The following OPTN variants were observed in gnomAD, a reference collection of about 807,000 sequenced individuals.
The protein encoded by OPTN is E3-14.7K-interacting protein.
OPTN carries 54 observed loss-of-function variants against 70.4 expected under a neutral mutation model. The observed-to-expected ratio is 0.77, with a 90% CI of 0.62 to 0.96. The LOEUF is 0.96. Ranked by LOEUF, OPTN falls within the 40% of genes least tolerant of loss-of-function variation. The pLI, the probability that OPTN is intolerant of heterozygous loss-of-function variation, is 0.00. For missense variants in OPTN, 624 were observed against 673.2 expected (o/e 0.93, Z 0.81); for synonymous variants, 256 against 248.5 (o/e 1.03, Z -0.28).
chr10:13,115,867 C>T (rs1338354178), intron 5 of OPTN, among the ~76,000 whole-genome samples: 7 of 144,598 alleles, frequency 4.8e-5, no homozygotes, highest in Non-Finnish European at 8.8e-5. Context: ...TTAACTTTAC[C>T]TCAGTGAGTT....
At chr10:13,106,415 C>T (rs1270035562) in intron 1 of OPTN, among the ~76,000 whole-genome samples, 1 of 152,218 alleles carries the variant, frequency 6.6e-6, no homozygotes, top group Non-Finnish European at 1.5e-5. Flanking sequence ...AACACTTCTG[C>T]ATTATACCTG....
In OPTN at chr10:13,109,232, C is replaced by T. The variant is rs571954285; in HGVS notation, c.110C>T (p.Pro37Leu). ...LAHPNLDTFTPEELLQQMKEL... is the reference protein window; with the variant it reads ...LAHPNLDTFTLEELLQQMKEL... ...CACCCAAACCTGGACACGTTTACCC[C>T]GGAGGAGCTGCTGCAGCAGATGAAA... is the stretch of plus-strand genomic sequence containing the variant. The change falls in exon 3 of 15, where the codon CCG (proline) becomes CTG (leucine). Residue 37 changes from proline to leucine, a missense_variant. Transcript: ENST00000378747. 24 of 1,613,982 alleles carry T rather than the reference C, an allele frequency of 1.5e-5. No homozygotes were observed. The highest frequency in any genetic ancestry group is 5.0e-5 in the Admixed American group (3 of 60,016).
At chr10:13,133,802 C>CTTTTACTTT (rs1833642204) in intron 14 of OPTN, among the ~76,000 whole-genome samples, 1 of 152,030 alleles carries the variant, frequency 6.6e-6, no homozygotes, top group African/African-American at 2.4e-5. Context: ...CACGGCCACA[C>CTTTTACTTT]TTTTTCTTTT....
At position 13,138,183 on chromosome 10, in the gene OPTN, T is replaced by C. The variant is rs12220573; in HGVS notation, c.*1317T>C. The C allele has an allele frequency of 5.2e-6, 1 of 191,154 alleles. No individual in the cohort carries two copies. Among genetic ancestry groups the C allele is most frequent in the East Asian group, 8.3e-5 (1 of 12,036 alleles). 11.8% of individuals were successfully genotyped at this position (191,154 alleles called of 1,614,324 possible). On this transcript the variant is annotated 3_prime_UTR_variant, in exon 15 of 15. Transcript: ENST00000378747. ...AAGGTGAATAGGTAGGGATTTGCCT[T>C]GTTTTGTAAGTCTACAATTTGCCAA...
chr10:13,119,960 T>G (rs529464769), intron 7 of OPTN, among the ~76,000 whole-genome samples: 1 of 151,846 alleles, frequency 6.6e-6, no homozygotes, highest in Non-Finnish European at 1.5e-5. Context: ...ATTAAATATA[T>G]GATCTGCAAC....
At chr10:13,119,960 T>C (rs529464769) in intron 7 of OPTN, among the ~76,000 whole-genome samples, 1 of 151,846 alleles carries the variant, frequency 6.6e-6, no homozygotes, top group Non-Finnish European at 1.5e-5. Flanking sequence ...ATTAAATATA[T>C]GATCTGCAAC....
Position 13,137,231 on chromosome 10 carries a change from A to ATCT in OPTN, c.*365_*366insTCT. On this transcript the variant is annotated 3_prime_UTR_variant, in exon 15 of 15. Coordinates refer to ENST00000378747, the MANE Select transcript of OPTN (RefSeq NM_001008212.2). ...GAAGTGGCAGTTGCAGTGAGCCGAG[A>ATCT]CGACACCACTGCACTCCAGCCTGGG... is the stretch of plus-strand genomic sequence containing the variant. The ATCT allele has an allele frequency of 2.5e-6, 1 of 404,220 alleles. No homozygotes were observed. The highest frequency in any genetic ancestry group is 4.7e-6 in the Non-Finnish European group (1 of 213,074). 25.0% of individuals were successfully genotyped at this position (404,220 alleles called of 1,614,324 possible).
intron 4 of OPTN, among the ~76,000 whole-genome samples, chr10:13,112,152 C>CTTTT (rs1165425749): frequency 2.4e-5 from 3 of 122,850 alleles, no homozygotes; most frequent in South Asian, 2.6e-4. Flanking sequence ...CCTGGCTTGG[C>CTTTT]TTTTTTTTTT....
chr10:13,104,917 T>G (rs1207702093), intron 1 of OPTN: 1 of 269,338 alleles, frequency 3.7e-6, no homozygotes, highest in Non-Finnish European at 7.2e-6. Context: ...CAGAAAGAGG[T>G]GCAGTGGCTG....
In OPTN at chr10:13,109,095, A is replaced by C; in HGVS notation, c.-11-17A>C. 6.2e-7 allele frequency: 1 copy of C among 1,613,238 alleles called. No individual in the cohort carries two copies. The highest frequency in any genetic ancestry group is 8.5e-7 in the Non-Finnish European group (1 of 1,179,626). On this transcript the variant is annotated splice_polypyrimidine_tract_variant and intron_variant, in intron 2 of 14. Transcript: ENST00000378747. ...GGCGGGGGACAGCTCTATTTTCAAC[A>C]GGTGACTTTTCCACAGGAACTTCTG...
chr10:13,128,818 C>T (rs1245392685), intron 12 of OPTN, among the ~76,000 whole-genome samples: 6 of 152,080 alleles, frequency 3.9e-5, no homozygotes, highest in Non-Finnish European at 8.8e-5. Flanking sequence ...GCTGGGATTA[C>T]AGGCATGAGC....
At chr10:13,112,283 T>C (rs548959787) in intron 4 of OPTN, among the ~76,000 whole-genome samples, 170 bp from the exon 5 acceptor site, 38 of 151,712 alleles carry the variant, frequency 2.5e-4, no homozygotes, top group African/African-American at 8.7e-4. Context: ...AATTATTAAA[T>C]TTTTTGTAAA....
intron 1 of OPTN, among the ~76,000 whole-genome samples, chr10:13,102,073 G>A (rs1483429916): frequency 6.6e-6 from 1 of 152,228 alleles, no homozygotes; most frequent in Non-Finnish European, 1.5e-5. Flanking sequence ...GGTGCTCGGA[G>A]TAGGGAACAG....
At chr10:13,127,505 G>A (rs1354100499) in intron 11 of OPTN, among the ~76,000 whole-genome samples, 1 of 151,928 alleles carries the variant, frequency 6.6e-6, no homozygotes, top group Non-Finnish European at 1.5e-5. Context: ...GAATAAGTTA[G>A]CGTTGCTGAT....
At position 13,133,492 on chromosome 10, in the gene OPTN, G is replaced by A. The variant is rs202006990; in HGVS notation, c.1533-10G>A. On this transcript the variant is annotated splice_polypyrimidine_tract_variant and intron_variant, in intron 13 of 14. Coordinates refer to ENST00000378747, the MANE Select transcript of OPTN (RefSeq NM_001008212.2). ...AACATCACACAGCGTGTTGCTTTTC[G>A]TCCTGGCAGGCAGTCCTTGATGGAG... 39 of 1,613,606 alleles carry A rather than the reference G, an allele frequency of 2.4e-5. No homozygotes were observed. The highest frequency in any genetic ancestry group is 1.6e-4 in the Middle Eastern group (1 of 6,082).
At chr10:13,128,067 T>C (rs1369318708) in intron 12 of OPTN, among the ~76,000 whole-genome samples, 164 bp downstream of exon 12, 2 of 152,260 alleles carry the variant, frequency 1.3e-5, no homozygotes, top group African/African-American at 2.4e-5. Flanking sequence ...AAGTGCTCAG[T>C]GGATCTTATC....
chr10:13,124,771 G>T (rs926140652), intron 9 of OPTN, among the ~76,000 whole-genome samples: 1 of 152,208 alleles, frequency 6.6e-6, no homozygotes, highest in Non-Finnish European at 1.5e-5. Flanking sequence ...AACAGACCTA[G>T]ATTTAACATA....
At chr10:13,128,004 A>G in intron 12 of OPTN, 101 bp downstream of exon 12, 1 of 1,412,064 alleles carries the variant, frequency 7.1e-7, no homozygotes, top group African/African-American at 1.4e-5. Context: ...TTTCTATTTT[A>G]TATATTTTTT....
intron 9 of OPTN, 137 bp downstream of exon 9, chr10:13,124,247 A>C: frequency 1.7e-6 from 1 of 605,850 alleles, no homozygotes; most frequent in East Asian, 3.0e-5. Flanking sequence ...TAAATTCAGA[A>C]TATACTAATG....
Sources: allele counts gnomAD v4.1 joint callset (sites outside exome capture counted in the v4.1 genomes callset), GRCh38; gene constraint gnomAD v4.1.1; transcripts MANE v1.5; gene names NCBI Gene and HGNC (gene_info 2026-07-23, HGNC 2026-07-21).